SHANK2: variants seen among roughly 807,000 people sequenced by gnomAD.
The protein encoded by SHANK2 is SH3 and multiple ankyrin repeat domains 2.
A neutral mutation model predicts 133.7 loss-of-function variants in SHANK2; 43 were observed. That is an observed-to-expected ratio of 0.32 (90% CI 0.25 to 0.41). SHANK2 has a LOEUF of 0.41. Among genes scored for constraint, SHANK2 ranks in the 10% least tolerant of loss-of-function variants. SHANK2 has a pLI of 1.00. For missense variants in SHANK2, 1,994 were observed against 2,235.8 expected, an observed-to-expected ratio of 0.89 and a Z score of 2.18; for synonymous variants, 1,017 against 952.8, an observed-to-expected ratio of 1.07 and a Z score of -1.24.
chr11:70,489,891 T>TATGCA (rs2058860512), intron 23 of SHANK2: 1 of 315,898 alleles, frequency 3.2e-6, no homozygotes, highest in Admixed American at 4.4e-5. Flanking sequence ...GGCCTGGTGG[T>TATGCA]GGCTGGGGAA....
At chr11:71,253,062 C>A (rs1467040913), upstream of SHANK2, among the ~76,000 whole-genome samples, 1 of 152,208 alleles carries the variant, frequency 6.6e-6, no homozygotes, top group Non-Finnish European at 1.5e-5. Flanking sequence ...GTCTGCTGCC[C>A]AGGCCACCAG....
chr11:70,749,187 G>A (rs187529559), intron 14 of SHANK2, among the ~76,000 whole-genome samples: 6 of 152,328 alleles, frequency 3.9e-5, no homozygotes, highest in African/African-American at 1.4e-4. Flanking sequence ...GGGAAGAAGT[G>A]CAGGCAACTG....
intron 13 of SHANK2, among the ~76,000 whole-genome samples, chr11:70,798,781 G>A (rs1947977438): frequency 1.3e-5 from 2 of 152,214 alleles, no homozygotes; most frequent in Admixed American, 1.3e-4. Context: ...CCCCTTAGGT[G>A]ATGAGACAGG....
intron 1 of SHANK2, among the ~76,000 whole-genome samples, chr11:71,228,274 G>T (rs557637990): frequency 1.3e-5 from 2 of 152,272 alleles, no homozygotes; most frequent in South Asian, 4.1e-4. Flanking sequence ...TTAAACTCCA[G>T]TTTTTTTGAG....
At chr11:70,771,442 G>A (rs1004044035) in intron 14 of SHANK2, among the ~76,000 whole-genome samples, 3 of 152,210 alleles carry the variant, frequency 2.0e-5, no homozygotes, top group African/African-American at 2.4e-5. Context: ...GATGCCCAGT[G>A]GCAGCTCATC....
At chr11:70,545,983 C>T (rs1265250865) in intron 17 of SHANK2, among the ~76,000 whole-genome samples, 1 of 152,146 alleles carries the variant, frequency 6.6e-6, no homozygotes, top group Non-Finnish European at 1.5e-5. Flanking sequence ...CTGAACAGCC[C>T]ACAGGGAAGA....
chr11:70,652,304 T>C (rs2061347477), intron 17 of SHANK2, among the ~76,000 whole-genome samples: 1 of 152,138 alleles, frequency 6.6e-6, no homozygotes, highest in Non-Finnish European at 1.5e-5. Context: ...AAGGAAACCA[T>C]GGCTCATGTA....
chr11:70,833,185 C>G (rs1167169443), intron 11 of SHANK2, among the ~76,000 whole-genome samples: 1 of 152,262 alleles, frequency 6.6e-6, no homozygotes, highest in Non-Finnish European at 1.5e-5. Context: ...GCACGGGGCT[C>G]CAGCACAATG....
chr11:71,139,622 T>C (rs72957682), intron 3 of SHANK2, among the ~76,000 whole-genome samples: 18,486 of 152,234 alleles, frequency 0.12, 1,210 homozygotes, highest in Non-Finnish European at 0.15. Context: ...CCAGTTTGTA[T>C]TGATTTTGGC....
intron 17 of SHANK2, among the ~76,000 whole-genome samples, chr11:70,626,926 C>T (rs1458978657): frequency 4.6e-5 from 7 of 152,222 alleles, no homozygotes; most frequent in Admixed American, 2.0e-4. Flanking sequence ...ATGAAGGCTG[C>T]GGTTCCCAGG....
intron 10 of SHANK2, among the ~76,000 whole-genome samples, chr11:70,906,237 G>T (rs1160792079): frequency 6.6e-6 from 1 of 152,230 alleles, no homozygotes; most frequent in African/African-American, 2.4e-5. Flanking sequence ...TCAGGGCTGG[G>T]ACATGGGCAG....
At chr11:70,516,527 A>G (rs1265109196) in intron 17 of SHANK2, among the ~76,000 whole-genome samples, 1 of 152,250 alleles carries the variant, frequency 6.6e-6, no homozygotes, top group Non-Finnish European at 1.5e-5. Context: ...AGATAAGAGA[A>G]GATCTAGATG....
intron 8 of SHANK2, among the ~76,000 whole-genome samples, chr11:71,079,918 A>AGGGGAGGGGAGGGGAAGGAC (rs1951275255): frequency 1.3e-5 from 1 of 75,058 alleles, no homozygotes; most frequent in Non-Finnish European, 2.6e-5. Context: ...AGGGGAAGGA[A>AGGGGAGGGGAGGGGAAGGAC]GGGGAGGGAA....
rs181766069 is a variant in SHANK2, at chr11:71,092,417, C to T, written c.912+5G>A. On this transcript the variant is annotated splice_donor_5th_base_variant and intron_variant, in intron 8 of 25. Coordinates refer to ENST00000601538, the MANE Select transcript of SHANK2 (RefSeq NM_012309.5). ...ACAACAGAGTGGAGAAGCGGGCCCA[C>T]GTACCTGGTGGATCTCGTGCCAGCC... The T allele has an allele frequency of 7.8e-5, 121 of 1,551,178 alleles. No homozygotes were observed. The highest frequency in any genetic ancestry group is 1.8e-4 in the Admixed American group (9 of 50,976).
At chr11:70,905,913 G>A (rs1453556334) in intron 10 of SHANK2, among the ~76,000 whole-genome samples, 6 of 151,278 alleles carry the variant, frequency 4.0e-5, no homozygotes, top group African/African-American at 1.5e-4. Flanking sequence ...CTGGGTTCAA[G>A]CGATTCTCCT....
intron 10 of SHANK2, among the ~76,000 whole-genome samples, chr11:70,915,004 T>C (rs1420548800): frequency 6.6e-6 from 1 of 152,156 alleles, no homozygotes; most frequent in African/African-American, 2.4e-5. Flanking sequence ...CCATTCACTT[T>C]GGAAATGCAC....
chr11:70,568,500 C>T (rs1380311249), intron 17 of SHANK2, among the ~76,000 whole-genome samples: 1 of 152,044 alleles, frequency 6.6e-6, no homozygotes, highest in African/African-American at 2.4e-5. Flanking sequence ...CTCGGAGCTC[C>T]GTGAAGCTGG....
intron 15 of SHANK2, among the ~76,000 whole-genome samples, chr11:70,679,008 G>A (rs184080271): frequency 6.6e-6 from 1 of 152,134 alleles, no homozygotes; most frequent in Non-Finnish European, 1.5e-5. Context: ...CAGCATGCTC[G>A]CTAGGACAAC....
chr11:70,910,914 G>GCA (rs1555078861), intron 10 of SHANK2: 5 of 452,058 alleles, frequency 1.1e-5, no homozygotes, highest in Middle Eastern at 9.5e-4. Flanking sequence ...GTGTGTGTGT[G>GCA]CGCGTGCATG....
Sources: gnomAD v4.1 joint callset for allele counts (sites outside exome capture counted in the v4.1 genomes callset) on GRCh38, gnomAD v4.1.1 for gene constraint, MANE v1.5 for transcripts, NCBI Gene and HGNC (gene_info 2026-07-23, HGNC 2026-07-21) for gene names.